Variants in DEPDC7 observed in about 807,000 individuals in gnomAD.
DEPDC7 encodes DEP domain-containing protein 7.
A neutral mutation model predicts 56.6 loss-of-function variants in DEPDC7; 41 were observed. That is an observed-to-expected ratio of 0.72 (90% confidence interval 0.56 to 0.94). The LOEUF is 0.94. Ranked by LOEUF, DEPDC7 falls within the 40% of genes least tolerant of loss-of-function variation. The pLI is 0.00. For synonymous variants in DEPDC7, 185 were observed against 208.8 expected (o/e 0.89, Z 0.98); for missense variants, 522 against 596.3 (o/e 0.88, Z 1.30).
At chr11:33,031,625 T>C (rs1853634457) in intron 5 of DEPDC7, 36 bp downstream of exon 5, 1 of 1,548,208 alleles carries the variant, frequency 6.5e-7, no homozygotes, top group African/African-American at 1.4e-5. Flanking sequence ...GCATTTATCT[T>C]TTGGAGGAAA....
At chr11:33,021,093 A>G (rs180882050) in intron 1 of DEPDC7, among the ~76,000 whole-genome samples, 36 of 148,066 alleles carry the variant, frequency 2.4e-4, no homozygotes, top group Non-Finnish European at 5.0e-4. Flanking sequence ...CTAAAAATAC[A>G]AAAAAAAATT....
chr11:33,031,601 C>A lies in DEPDC7; in HGVS notation c.994+12C>A, dbSNP rs755267312. The A allele has an allele frequency of 6.3e-7, 1 of 1,589,470 alleles. No homozygotes were observed. Among genetic ancestry groups the A allele is most frequent in the East Asian group, 2.2e-5 (1 of 44,726 alleles). ...TGCAGAACTCTTAGGTAAGTAAGATCTAACTGGATACTAGCATTTATCTTT... is the reference window on the plus strand; with the variant it reads ...TGCAGAACTCTTAGGTAAGTAAGATATAACTGGATACTAGCATTTATCTTT... On this transcript the variant is annotated intron_variant, in intron 5 of 8. Transcript: ENST00000241051.
rs1453428513 is a variant in DEPDC7 at position 33,031,406 on chromosome 11, G to C, written c.811G>C (p.Asp271His). The C allele has an allele frequency of 3.7e-6, 6 of 1,614,022 alleles. No homozygotes were observed. The highest frequency in any genetic ancestry group is 4.2e-6 in the Non-Finnish European group (5 of 1,180,030). ...QEDEWLSAAI[D>H]CLEYLPDQMV... is the part of the protein sequence containing the mutation. ...AGATGAGTGGCTCTCGGCAGCAATT[G>C]ACTGTTTAGAATACCTTCCAGACCA... The change falls in exon 5 of 9, where the codon GAC becomes CAC. Residue 271 changes from aspartate to histidine, a missense_variant. Physicochemically the swap from Asp to His is moderately conservative, Grantham distance 81. Transcript: ENST00000241051.
chr11:33,031,639 G>GA, intron 5 of DEPDC7, 50 bp downstream of exon 5: 1 of 1,467,130 alleles, frequency 6.8e-7, no homozygotes, highest in Middle Eastern at 1.8e-4. Flanking sequence ...GAGGAAACAA[G>GA]AAAAAGTTAG....
intron 4 of DEPDC7, among the ~76,000 whole-genome samples, chr11:33,030,874 G>A (rs1216671522): frequency 3.3e-5 from 5 of 152,132 alleles, no homozygotes; most frequent in African/African-American, 7.2e-5. Flanking sequence ...GTGAGCCACC[G>A]CACCAGGCCT....
In DEPDC7 at chr11:33,028,621, A is replaced by T. The variant is rs375290990; in HGVS notation, c.611A>T (p.Gln204Leu). 10 of 1,597,654 alleles carry T rather than the reference A, an allele frequency of 6.3e-6. No individual in the cohort carries two copies. The African/African-American group carries it at 1.4e-4, about 22-fold the overall frequency. The change falls in exon 4 of 9, where the codon CAA (glutamine) becomes CTA (leucine). Residue 204 changes from glutamine (Q) to leucine (L), a missense_variant. Coordinates refer to ENST00000241051, the MANE Select transcript of DEPDC7 (RefSeq NM_001077242.2). ...TGTGTAGTTATTAATGAAGTGTGGC[A>T]AGAAGAAACAATTGGGCGTCTACTA... ...LSPQVINEVW[Q>L]EETIGRLLQL...
intron 1 of DEPDC7, chr11:33,016,255 A>G (rs1853459314): frequency 7.5e-7 from 1 of 1,340,394 alleles, no homozygotes; most frequent in African/African-American, 1.5e-5. Context: ...CCGCCCGCAC[A>G]GCCCAGCTTT....
chr11:33,031,796 C>T (rs1301279620), intron 5 of DEPDC7, among the ~76,000 whole-genome samples: 1 of 152,162 alleles, frequency 6.6e-6, no homozygotes, highest in Non-Finnish European at 1.5e-5. Flanking sequence ...CTTCTGGTTA[C>T]CCAGGAGTAT....
rs1449861670 is a variant in DEPDC7, at chr11:33,016,000, T to C, written c.45T>C (p.Ala15=). The change falls in exon 1 of 9, where the codon GCT becomes GCC. Residue 15 remains alanine (A), a synonymous_variant. Coordinates refer to ENST00000241051, the MANE Select transcript of DEPDC7 (RefSeq NM_001077242.2). ...QEKAAALNLS[A]LHSPAHRPPG... ...AGGCTGCTGCGCTGAACCTCTCGGCTCTCCACAGCCCCGCGCACAGGCCTC... is the reference window on the plus strand; with the variant it reads ...AGGCTGCTGCGCTGAACCTCTCGGCCCTCCACAGCCCCGCGCACAGGCCTC... 1.3e-6 allele frequency: 2 copies of C among 1,568,592 alleles called. No individual in the cohort carries two copies. The highest frequency in any genetic ancestry group is 1.2e-5 in the South Asian group (1 of 84,834).
Position 33,025,816 on chromosome 11 carries a change from T to C in DEPDC7, c.231T>C (p.Ser77=), listed in dbSNP as rs1384064371. Residue 77 remains serine, a synonymous_variant, in exon 2 of 9, where the codon TCT becomes TCC. Transcript: ENST00000241051. ...VGSEAVDVIF[S]HLIQNKYFGD... ...CAGAAGCTGTGGATGTCATTTTTTC[T>C]CACCTAATTCAGAATAAGTATTTTG... The C allele has an allele frequency of 6.2e-7, 1 of 1,614,208 alleles. No individual in the cohort carries two copies. Among genetic ancestry groups the C allele is most frequent in the Admixed American group, 1.7e-5 (1 of 60,018 alleles).
At chr11:33,022,518 A>G (rs1331790349) in intron 1 of DEPDC7, among the ~76,000 whole-genome samples, 1 of 152,236 alleles carries the variant, frequency 6.6e-6, no homozygotes, top group Non-Finnish European at 1.5e-5. Context: ...TCAGAATTAA[A>G]TGCGAGAAGA....
chr11:33,024,889 T>C (rs567812197), intron 1 of DEPDC7, among the ~76,000 whole-genome samples: 1 of 151,698 alleles, frequency 6.6e-6, no homozygotes, highest in Non-Finnish European at 1.5e-5. Context: ...TAAGTCCCAG[T>C]ACTACCTCTT....
intron 1 of DEPDC7, among the ~76,000 whole-genome samples, chr11:33,020,173 G>A (rs1025263092): frequency 6.6e-6 from 1 of 152,038 alleles, no homozygotes; most frequent in Non-Finnish European, 1.5e-5. Flanking sequence ...TAATTTTTGG[G>A]TAAATGTAAT....
At chr11:33,030,063 G>A (rs1853616892) in intron 4 of DEPDC7, among the ~76,000 whole-genome samples, 1 of 151,910 alleles carries the variant, frequency 6.6e-6, no homozygotes, top group Non-Finnish European at 1.5e-5. Context: ...GGGTTCAAGC[G>A]ATTCTTCTGC....
chr11:33,032,524 CT>C (rs762508237), intron 6 of DEPDC7, 46 bp downstream of exon 6: 2 of 1,490,262 alleles, frequency 1.3e-6, no homozygotes, highest in South Asian at 2.7e-5. Flanking sequence ...ATCCTTAATA[CT>C]TACAGGTTAA....
rs1213837165 is a variant in DEPDC7, at chr11:33,016,157, A to G, written c.73+129A>G. ...CCTGTCAACGGCCGGCTGGGCGAGC[A>G]CAGCACAGCTGCGACCACTTGGCCA... is the stretch of plus-strand genomic sequence containing the variant. On this transcript the variant is annotated intron_variant, in intron 1 of 8. Coordinates refer to ENST00000241051, the MANE Select transcript of DEPDC7 (RefSeq NM_001077242.2). 1.5e-5 allele frequency: 19 copies of G among 1,239,118 alleles called. 1 individual carries two copies. The Admixed American group carries it at 2.2e-4, about 14-fold the overall frequency. 76.8% of individuals were successfully genotyped at this position (1,239,118 alleles called of 1,614,324 possible). A position where few individuals can be genotyped will look rare whatever the true frequency, so the allele number is the denominator to read the frequency against.
rs966191 is a variant in DEPDC7 at position 33,031,561 on chromosome 11, C to A, written c.966C>A (p.Asp322Glu). 13 of 1,613,206 alleles carry A rather than the reference C, an allele frequency of 8.1e-6. No homozygotes were observed. Among genetic ancestry groups the A allele is most frequent in the Non-Finnish European group, 9.3e-6 (11 of 1,179,374 alleles). Residue 322 changes from aspartate (D) to glutamate (E), a missense_variant, in exon 5 of 9, where the codon GAC (aspartate) becomes GAA (glutamate). Coordinates refer to ENST00000241051, the MANE Select transcript of DEPDC7 (RefSeq NM_001077242.2). Reference protein sequence around the residue: ...SREPLLNHLSDVHNGIAELLV... With the variant: ...SREPLLNHLSEVHNGIAELLV... ...AACCTCTGTTAAATCACTTATCTGA[C>A]GTTCATAATGGAATTGCAGAACTCT...
intron 1 of DEPDC7, among the ~76,000 whole-genome samples, chr11:33,024,141 C>G (rs1853550507): frequency 6.6e-6 from 1 of 152,188 alleles, no homozygotes; most frequent in Admixed American, 6.5e-5. Context: ...CATCGGTTTA[C>G]AAAAACCCAA....
At chr11:33,031,245 T>C in intron 4 of DEPDC7, 133 bp from the exon 5 acceptor site, 1 of 647,478 alleles carries the variant, frequency 1.5e-6, no homozygotes, top group Non-Finnish European at 2.7e-6. Context: ...ACATATCTTT[T>C]AAGCTCATGT....
Sources: allele counts gnomAD v4.1 joint callset (sites outside exome capture counted in the v4.1 genomes callset), GRCh38; gene constraint gnomAD v4.1.1; transcripts MANE v1.5; gene names NCBI Gene and HGNC (gene_info 2026-07-23, HGNC 2026-07-21).